Variants in ELL observed in about 807,000 individuals in gnomAD.
The protein encoded by ELL is RNA polymerase II elongation factor ELL.
In ELL, 18 loss-of-function variants were observed where a neutral mutation model predicts 64.0. That is an observed-to-expected ratio of 0.28 (90% CI 0.19 to 0.42). The LOEUF is 0.42. ELL is among the 10% of genes least tolerant of loss of function. ELL has a pLI of 1.00. For missense variants in ELL, 797 were observed against 870.4 expected (o/e 0.92, Z 1.06); for synonymous variants, 399 against 376.2 (o/e 1.06, Z -0.70).
At chr19:18,509,828 C>T (rs1370335856) in intron 1 of ELL, among the ~76,000 whole-genome samples, 1 of 152,188 alleles carries the variant, frequency 6.6e-6, no homozygotes, top group Non-Finnish European at 1.5e-5. Flanking sequence ...AGCCAGTGCC[C>T]CCCAGTGGGC....
intron 2 of ELL, among the ~76,000 whole-genome samples, chr19:18,467,704 C>T (rs1000994351): frequency 7.7e-6 from 1 of 129,154 alleles, no homozygotes; most frequent in Admixed American, 8.1e-5. Flanking sequence ...AATCTCCCCA[C>T]ACACAATCCC....
At chr19:18,478,627 T>A (rs183876982) in intron 1 of ELL, among the ~76,000 whole-genome samples, 1 of 152,322 alleles carries the variant, frequency 6.6e-6, no homozygotes, top group East Asian at 1.9e-4. Context: ...GGGAGCCTGG[T>A]AGGGCCGCCA....
rs989510119 is a variant in ELL, at chr19:18,497,656, A to C, written c.135+24265T>G. ...CAACACAGCAAGACTGTCTAAAAAA[A>C]TTTTTTTTAAATTAGCTGGGCATGG... On this transcript the variant is annotated intron_variant, in intron 1 of 11. Coordinates refer to ENST00000262809, the MANE Select transcript of ELL (RefSeq NM_006532.4). Among the ~76,000 whole-genome samples, 3 of 151,542 alleles carry C rather than the reference A, an allele frequency of 2.0e-5. No homozygotes were observed. The South Asian group carries it at 6.2e-4, about 32-fold the overall frequency.
intron 1 of ELL, among the ~76,000 whole-genome samples, chr19:18,474,267 C>A (rs187992913): frequency 1.3e-5 from 2 of 152,362 alleles, no homozygotes; most frequent in Admixed American, 1.3e-4. Context: ...GTGCCCTGAG[C>A]CATGGGTCTG....
At chr19:18,454,040 G>C (rs559608457) in intron 6 of ELL, among the ~76,000 whole-genome samples, 2 of 152,322 alleles carry the variant, frequency 1.3e-5, no homozygotes, top group South Asian at 4.1e-4. Context: ...AATGACTCCT[G>C]ATGGGGATAG....
intron 1 of ELL, among the ~76,000 whole-genome samples, chr19:18,477,514 G>C (rs947895856): frequency 1.3e-5 from 2 of 152,142 alleles, no homozygotes; most frequent in African/African-American, 2.4e-5. Context: ...CTACCAGGTC[G>C]TGGCGCATCA....
At chr19:18,477,406 G>A (rs1190332053) in intron 1 of ELL, among the ~76,000 whole-genome samples, 2 of 152,184 alleles carry the variant, frequency 1.3e-5, no homozygotes, top group Admixed American at 6.5e-5. Flanking sequence ...CTGAGGGCAG[G>A]CGGGGGATCT....
intron 1 of ELL, among the ~76,000 whole-genome samples, chr19:18,503,612 C>T (rs920094640): frequency 6.6e-6 from 1 of 152,204 alleles, no homozygotes; most frequent in Non-Finnish European, 1.5e-5. Context: ...AGGGTACGTG[C>T]AGAGCCACGG....
In ELL at chr19:18,443,556, C is replaced by A. The variant is rs936920494; in HGVS notation, c.*1196G>T. The A allele has an allele frequency of 1.7e-5, 4 of 233,424 alleles. No individual in the cohort carries two copies. The highest frequency in any genetic ancestry group is 3.4e-5 in the Non-Finnish European group (4 of 118,098). The allele number at this position is 233,424 out of a possible 1,614,324, so 14.5% of individuals were successfully genotyped here. ...CTAAATGGGAACACACGCCTCAGAC[C>A]CCACCATGCCCTGGGGGGTCCCCAC... On this transcript the variant is annotated 3_prime_UTR_variant, in exon 12 of 12. Transcript: ENST00000262809.
chr19:18,497,798 A>G lies in ELL; in HGVS notation c.135+24123T>C, dbSNP rs181718678. Among the ~76,000 whole-genome samples, 342 of 143,944 alleles carry G rather than the reference A, an allele frequency of 2.4e-3. 4 individuals carry two copies. The highest frequency in any genetic ancestry group is 1.5e-3 in the Non-Finnish European group (102 of 66,522). The allele number at this position is 143,944 out of a possible 152,430, so 94.4% of individuals were successfully genotyped here. ...TGCTACTGACTCCAGCCTAGGCAAA[A>G]GAGTGAGATCTCATCTCAAAAAAAA... On this transcript the variant is annotated intron_variant, in intron 1 of 11. Transcript: ENST00000262809.
chr19:18,445,005 T>C, intron 11 of ELL, 137 bp from the exon 12 acceptor site: 1 of 1,104,680 alleles, frequency 9.1e-7, no homozygotes, highest in Non-Finnish European at 1.3e-6. Context: ...AAGGGCAGAG[T>C]GGGAGTTGGT....
intron 6 of ELL, among the ~76,000 whole-genome samples, chr19:18,456,464 C>T (rs1472262236): frequency 2.6e-5 from 4 of 152,210 alleles, no homozygotes; most frequent in Non-Finnish European, 5.9e-5. Context: ...GAGCCCTGTC[C>T]TCAGAGAGGT....
intron 4 of ELL, among the ~76,000 whole-genome samples, chr19:18,462,335 C>G (rs80330869): frequency 0.13 from 8,358 of 64,626 alleles, 269 homozygotes; most frequent in African/African-American, 0.22. Flanking sequence ...CTCTAGTGGG[C>G]TGTGTGTGTG....
At position 18,482,846 on chromosome 19, in the gene ELL, A is replaced by G. The variant is rs1196470094; in HGVS notation, c.136-9964T>C. Among the ~76,000 whole-genome samples, 3 of 151,924 alleles carry G rather than the reference A, an allele frequency of 2.0e-5. No individual in the cohort carries two copies. The East Asian group carries it at 5.8e-4, about 29-fold the overall frequency. On this transcript the variant is annotated intron_variant, in intron 1 of 11. Coordinates refer to ENST00000262809, the MANE Select transcript of ELL (RefSeq NM_006532.4). ...TCACTCTGTTGCCCAGGCAGTGGGC[A>G]GTGGCACTATCACAGCTCACTGCAG...
intron 1 of ELL, among the ~76,000 whole-genome samples, chr19:18,500,740 T>G (rs145533341): frequency 6.6e-4 from 100 of 152,236 alleles, no homozygotes; most frequent in African/African-American, 2.3e-3. Flanking sequence ...TTGTGCAAAA[T>G]AGCTCTGGGA....
chr19:18,454,090 C>CA (rs1974600148), intron 6 of ELL, among the ~76,000 whole-genome samples: 2 of 152,144 alleles, frequency 1.3e-5, no homozygotes, highest in African/African-American at 4.8e-5. Context: ...TGGAACTAGA[C>CA]AGAGGTGGTG....
At chr19:18,505,168 C>A (rs1975856069) in intron 1 of ELL, among the ~76,000 whole-genome samples, 1 of 152,168 alleles carries the variant, frequency 6.6e-6, no homozygotes, top group African/African-American at 2.4e-5. Context: ...AAGCCACTGT[C>A]CCGTAGCCCC....
rs568878298 is a variant in ELL at position 18,444,857 on chromosome 19, G to C, written c.1761C>G (p.Asn587Lys). ...EYRKIKKTNT[N>K]YSQEKHRCEY... ...CGCAGCGGTGCTTCTCCTGGCTGTA[G>C]TTGGTGTTGGTCTGTGGGACAGCAC... The change falls in exon 12 of 12, where the codon AAC (asparagine) becomes AAG (lysine). Residue 587 changes from asparagine (N) to lysine (K), a missense_variant. Asn to Lys is a moderately conservative substitution (Grantham distance 94, BLOSUM62 0). Transcript: ENST00000262809. 1.8e-4 allele frequency: 298 copies of C among 1,611,626 alleles called. 2 individuals carry two copies. The South Asian group carries it at 2.8e-3, about 15-fold the overall frequency.
At chr19:18,521,602 G>A (rs1976278321) in intron 1 of ELL, among the ~76,000 whole-genome samples, 1 of 151,670 alleles carries the variant, frequency 6.6e-6, no homozygotes, top group Admixed American at 6.6e-5. Context: ...ACTGGACCCT[G>A]CCCAGGTGCC....
Sources: gnomAD v4.1 joint callset for allele counts (sites outside exome capture counted in the v4.1 genomes callset) on GRCh38, gnomAD v4.1.1 for gene constraint, MANE v1.5 for transcripts, NCBI Gene and HGNC (gene_info 2026-07-23, HGNC 2026-07-21) for gene names.